The following NUFIP2 variants were observed in gnomAD, a reference collection of about 807,000 sequenced individuals.
The protein encoded by NUFIP2 is nuclear FMR1 interacting protein 2.
Under a neutral mutation model 56.9 loss-of-function variants are expected in NUFIP2, and 6 were observed. The ratio of observed to expected loss-of-function variants is 0.11; its 90% CI spans 0.06 to 0.21. The LOEUF (loss-of-function observed/expected upper bound fraction) is 0.21. Among genes scored for constraint, NUFIP2 ranks in the 10% least tolerant of loss-of-function variants. NUFIP2 has a pLI of 1.00. For missense variants in NUFIP2, 828 were observed against 826.8 expected, an observed-to-expected ratio of 1.00 and a Z score of -0.02; for synonymous variants, 321 against 298.2, an observed-to-expected ratio of 1.08 and a Z score of -0.79.
intron 2 of NUFIP2, among the ~76,000 whole-genome samples, chr17:29,271,683 GT>G (rs1481556114): frequency 1.3e-5 from 2 of 152,052 alleles, no homozygotes; most frequent in African/African-American, 2.4e-5. Context: ...AAATTTAAAA[GT>G]TTCCCTGAAA....
intron 3 of NUFIP2, among the ~76,000 whole-genome samples, chr17:29,266,185 T>C (rs2069035166): frequency 6.6e-6 from 1 of 152,076 alleles, no homozygotes; most frequent in African/African-American, 2.4e-5. Context: ...AGGCTGGTCT[T>C]GAACTCCTGA....
chr17:29,286,706 G>A lies in NUFIP2; in HGVS notation c.1288C>T (p.Pro430Ser), dbSNP rs776902673. 2 of 1,614,154 alleles carry A rather than the reference G, an allele frequency of 1.2e-6. No homozygotes were observed. Among genetic ancestry groups the A allele is most frequent in the South Asian group, 1.1e-5 (1 of 91,078 alleles). ...LAGTDGNVYP[P>S]GGQPLLTTAA... ...GTAGTTAGCAGTGGCTGACCCCCTG[G>A]AGGATAAACATTTCCATCAGTCCCT... The change falls in exon 2 of 4, where the codon CCA becomes TCA. Residue 430 changes from proline to serine, a missense_variant. Pro to Ser is a moderately conservative substitution (Grantham distance 74, BLOSUM62 -1). Around this residue, in one of 3 missense-constraint regions of NUFIP2, gnomAD observed 404 missense variants for 380.3 expected, o/e 1.06. Coordinates refer to ENST00000225388, the MANE Select transcript of NUFIP2 (RefSeq NM_020772.3).
chr17:29,270,296 G>A (rs1423480357), intron 2 of NUFIP2, among the ~76,000 whole-genome samples: 2 of 144,822 alleles, frequency 1.4e-5, no homozygotes, highest in Non-Finnish European at 3.0e-5. Flanking sequence ...GTCTAAAAAG[G>A]GGAGAACTAT....
At chr17:29,271,577 T>C (rs2069072922) in intron 2 of NUFIP2, among the ~76,000 whole-genome samples, 1 of 151,800 alleles carries the variant, frequency 6.6e-6, no homozygotes, top group South Asian at 2.1e-4. Context: ...ATCAGCATTA[T>C]CAGAAATGCT....
At chr17:29,277,639 T>C (rs2069115613) in intron 2 of NUFIP2, among the ~76,000 whole-genome samples, 1 of 152,214 alleles carries the variant, frequency 6.6e-6, no homozygotes, top group Non-Finnish European at 1.5e-5. Context: ...CTGCCATACT[T>C]GTGCCTATTC....
intron 2 of NUFIP2, among the ~76,000 whole-genome samples, chr17:29,271,504 C>T (rs1034909887): frequency 4.6e-5 from 7 of 151,070 alleles, no homozygotes; most frequent in Non-Finnish European, 8.9e-5. Flanking sequence ...GCCACTGCAC[C>T]CCAGCCTGGG....
intron 1 of NUFIP2, among the ~76,000 whole-genome samples, chr17:29,292,831 C>T (rs900261222): frequency 1.3e-5 from 2 of 148,666 alleles, no homozygotes; most frequent in Admixed American, 6.7e-5. Context: ...ACCCCAGGGA[C>T]CCGCCCGGGG....
chr17:29,280,845 G>T (rs1174421139), intron 2 of NUFIP2, among the ~76,000 whole-genome samples: 1 of 151,874 alleles, frequency 6.6e-6, no homozygotes, highest in Non-Finnish European at 1.5e-5. Flanking sequence ...AAAATTAGCC[G>T]GGCACGGTGG....
intron 2 of NUFIP2, among the ~76,000 whole-genome samples, chr17:29,285,210 G>C (rs2069165227): frequency 6.6e-6 from 1 of 152,078 alleles, no homozygotes; most frequent in South Asian, 2.1e-4. Context: ...TGAGGCAGGA[G>C]AATCACCTGA....
intron 2 of NUFIP2, among the ~76,000 whole-genome samples, chr17:29,282,242 G>A (rs1351252297): frequency 2.6e-5 from 4 of 151,802 alleles, no homozygotes; most frequent in African/African-American, 9.7e-5. Flanking sequence ...CTTCCCAGCC[G>A]CCAAAACCTT....
chr17:29,277,310 C>T (rs921615469), intron 2 of NUFIP2, among the ~76,000 whole-genome samples: 1 of 152,270 alleles, frequency 6.6e-6, no homozygotes, highest in South Asian at 2.1e-4. Context: ...GCATGTGCCA[C>T]CACGTCTGAA....
Position 29,261,743 on chromosome 17 carries a change from C to T in NUFIP2, c.*2796G>A, listed in dbSNP as rs1340670279. On this transcript the variant is annotated 3_prime_UTR_variant, in exon 4 of 4. Coordinates refer to ENST00000225388, the MANE Select transcript of NUFIP2 (RefSeq NM_020772.3). ...CCAAACAGCACAAAGAGATTTGTCC[C>T]AAAGTCCTGCTTGTACCTAGGCAAT... is the stretch of plus-strand genomic sequence containing the variant. 1 of 152,492 alleles carries T rather than the reference C, an allele frequency of 6.6e-6. No individual in the cohort carries two copies. Among genetic ancestry groups the T allele is most frequent in the Non-Finnish European group, 1.5e-5 (1 of 68,002 alleles). 9.4% of individuals were successfully genotyped at this position (152,492 alleles called of 1,614,324 possible). A position where few individuals can be genotyped will look rare whatever the true frequency, so the allele number is the denominator to read the frequency against.
rs551640755 is a variant in NUFIP2 at position 29,260,430 on chromosome 17, A to G, written c.*4109T>C. The G allele has an allele frequency of 6.6e-6, 1 of 152,230 alleles. No homozygotes were observed. Among genetic ancestry groups the G allele is most frequent in the South Asian group, 2.1e-4 (1 of 4,830 alleles). 9.4% of individuals were successfully genotyped at this position (152,230 alleles called of 1,614,324 possible). A position where few individuals can be genotyped will look rare whatever the true frequency, so the allele number is the denominator to read the frequency against. On this transcript the variant is annotated 3_prime_UTR_variant, in exon 4 of 4. Coordinates refer to ENST00000225388, the MANE Select transcript of NUFIP2 (RefSeq NM_020772.3). ...GCCCAGCGGCATAACTATACTAATA[A>G]TACCTGGAAATTGGACTTTTAATCT... is the stretch of plus-strand genomic sequence containing the variant.
At position 29,286,136 on chromosome 17, in the gene NUFIP2, C is replaced by G. The variant is rs776688648; in HGVS notation, c.1858G>C (p.Glu620Gln). ...GALVFLSKDY[E>Q]IESQNPLASP... ...GCCAGAGGATTTTGACTTTCTATCT[C>G]GTAGTCCTTTGAGAGAAACACTAAA... is the stretch of plus-strand genomic sequence containing the variant. Residue 620 changes from glutamate to glutamine, a missense_variant, in exon 2 of 4, where the codon GAG becomes CAG. Glu to Gln is a conservative substitution (Grantham distance 29). Transcript: ENST00000225388. The G allele has an allele frequency of 1.5e-5, 25 of 1,613,980 alleles. 1 individual carries two copies. The Admixed American group carries it at 4.0e-4, about 26-fold the overall frequency.
At chr17:29,279,761 T>C (rs1341491992) in intron 2 of NUFIP2, among the ~76,000 whole-genome samples, 1 of 152,174 alleles carries the variant, frequency 6.6e-6, no homozygotes, top group Non-Finnish European at 1.5e-5. Context: ...GTGATTTTCC[T>C]GCCTCACTTC....
chr17:29,274,297 C>T lies in NUFIP2; in HGVS notation c.2003-6767G>A, dbSNP rs371487943. Among the ~76,000 whole-genome samples, 5 of 152,156 alleles carry T rather than the reference C, an allele frequency of 3.3e-5. 1 individual carries two copies. The highest frequency in any genetic ancestry group is 2.6e-4 in the Admixed American group (4 of 15,268). ...CCAGCCTTAGCAAGATGGTGAGACCCTATGTCTACAAAACATTTAAAAACT... is the reference window on the plus strand; with the variant it reads ...CCAGCCTTAGCAAGATGGTGAGACCTTATGTCTACAAAACATTTAAAAACT... On this transcript the variant is annotated intron_variant, in intron 2 of 3. Transcript: ENST00000225388.
At chr17:29,291,634 G>A (rs887800499) in intron 1 of NUFIP2, among the ~76,000 whole-genome samples, 57 of 152,304 alleles carry the variant, frequency 3.7e-4, no homozygotes, top group African/African-American at 1.2e-3. Context: ...GTAGAGAGAA[G>A]TCTGGCAAGA....
rs1168249446 is a variant in NUFIP2, at chr17:29,287,573, C to T, written c.421G>A (p.Ala141Thr). ...ATTCCTGCTTTCCCAAAGGTGTTGG[C>T]CTTTACAGTCTGCTTCAGGCTAGTG... ...VDTSLKQTVK[A>T]NTFGKAGIKT... Residue 141 changes from alanine (A) to threonine (T), a missense_variant, in exon 2 of 4, where the codon GCC (alanine) becomes ACC (threonine). Ala to Thr is a moderately conservative substitution (Grantham distance 58). This residue lies in a region of NUFIP2 where 415 missense variants were observed against 408.7 expected (regional missense o/e 1.02). Coordinates refer to ENST00000225388, the MANE Select transcript of NUFIP2 (RefSeq NM_020772.3). The T allele has an allele frequency of 1.2e-6, 2 of 1,613,972 alleles. No homozygotes were observed. Among genetic ancestry groups the T allele is most frequent in the Non-Finnish European group, 1.7e-6 (2 of 1,180,010 alleles).
At chr17:29,285,915 C>A (rs1008817884) in intron 2 of NUFIP2, 77 bp downstream of exon 2, 41 of 1,131,690 alleles carry the variant, frequency 3.6e-5, no homozygotes, top group Non-Finnish European at 4.8e-5. Flanking sequence ...ACAACTAATT[C>A]TCTTAAAATT....
Sources: allele counts gnomAD v4.1 joint callset (sites outside exome capture counted in the v4.1 genomes callset), GRCh38; gene constraint gnomAD v4.1.1; regional missense constraint gnomAD v4.1.1; transcripts MANE v1.5; gene names NCBI Gene and HGNC (gene_info 2026-07-23, HGNC 2026-07-21).